The following TSPAN32 variants were observed in gnomAD, a reference collection of about 807,000 sequenced individuals.
The protein encoded by TSPAN32 is tetraspanin 32, also known as tetraspanin-32.
A neutral mutation model predicts 42.7 loss-of-function variants in TSPAN32; 47 were observed. The ratio of observed to expected loss-of-function variants is 1.10; its 90% CI spans 0.87 to 1.40. The LOEUF is 1.40. TSPAN32 is among the 40% of genes most tolerant of loss of function. The probability of loss-of-function intolerance (pLI) is 0.00; values close to 1 mark genes in which losing one functional copy is unlikely to be tolerated. For synonymous variants in TSPAN32, 175 were observed against 175.9 expected (o/e 0.99, Z 0.04); for missense variants, 469 against 424.1 (o/e 1.11, Z -0.93).
intron 5 of TSPAN32, among the ~76,000 whole-genome samples, chr11:2,314,132 G>A (rs2133366049): frequency 6.8e-6 from 1 of 147,526 alleles, no homozygotes; most frequent in African/African-American, 2.5e-5. Flanking sequence ...AGACCAGCCT[G>A]AGCAACATAG....
rs200536769 is a variant in TSPAN32, at chr11:2,302,999, G to A, written c.181+41G>A. The A allele has an allele frequency of 1.4e-5, 21 of 1,553,470 alleles. No individual in the cohort carries two copies. The East Asian group carries it at 2.7e-4, about 20-fold the overall frequency. ...GCCTGGCTGCATCGGGAGGGGCCTCGGGTGCAAGGGTGGCTGGCACGAGCC... is the reference window on the plus strand; with the variant it reads ...GCCTGGCTGCATCGGGAGGGGCCTCAGGTGCAAGGGTGGCTGGCACGAGCC... On this transcript the variant is annotated intron_variant, in intron 2 of 9. Coordinates refer to ENST00000182290, the MANE Select transcript of TSPAN32 (RefSeq NM_139022.3).
In TSPAN32 at chr11:2,317,801, T is replaced by C. The variant is rs369583169; in HGVS notation, c.902-62T>C. ...AGACACAAGCTGCACTGGTTTTCTA[T>C]GCTGCGTAAGAAGCAGCATGGATGT... On this transcript the variant is annotated intron_variant, in intron 9 of 9. Transcript: ENST00000182290. This position sits in a 1 kb window ranked among gnomAD's most constrained non-coding sequence, Gnocchi z 6.2. 432 of 1,598,228 alleles carry C rather than the reference T, an allele frequency of 2.7e-4. No homozygotes were observed. The African/African-American group carries it at 5.2e-3, about 19-fold the overall frequency.
chr11:2,306,954 AGG>A (rs1564957723), intron 3 of TSPAN32: 1 of 13,784 alleles, frequency 7.3e-5, no homozygotes, highest in Admixed American at 5.2e-4. Flanking sequence ...GAGAAGGAGG[AGG>A]GAGAAGGAGG....
chr11:2,316,060 T>C, intron 6 of TSPAN32, 169 bp from the exon 7 acceptor site: 1 of 1,534,218 alleles, frequency 6.5e-7, no homozygotes, highest in Non-Finnish European at 8.7e-7. Flanking sequence ...CTGCTCGTGC[T>C]GCCTTTCCCT....
Position 2,308,719 on chromosome 11 carries a change from C to G in TSPAN32, c.280-17C>G. On this transcript the variant is annotated splice_polypyrimidine_tract_variant and intron_variant, in intron 3 of 9. Coordinates refer to ENST00000182290, the MANE Select transcript of TSPAN32 (RefSeq NM_139022.3). ...GTGACCAGCCCTCAACAGTGACCAGCCCCGCTCTGCCCCCAGGGCTTCCTG... is the reference window on the plus strand; with the variant it reads ...GTGACCAGCCCTCAACAGTGACCAGGCCCGCTCTGCCCCCAGGGCTTCCTG... 1 of 1,543,556 alleles carries G rather than the reference C, an allele frequency of 6.5e-7. No individual in the cohort carries two copies. Among genetic ancestry groups the G allele is most frequent in the Non-Finnish European group, 8.8e-7 (1 of 1,138,220 alleles).
At chr11:2,311,034 C>T (rs916532512) in intron 4 of TSPAN32, among the ~76,000 whole-genome samples, 2 of 152,226 alleles carry the variant, frequency 1.3e-5, no homozygotes, top group South Asian at 2.1e-4. Context: ...CCGGAAACGT[C>T]GAGGTGAGAG....
At chr11:2,310,058 C>G (rs1219991068) in intron 4 of TSPAN32, 1 of 152,422 alleles carries the variant, frequency 6.6e-6, no homozygotes, top group Non-Finnish European at 1.5e-5. Context: ...GCACAGGAGT[C>G]TTACCAGGGT....
intron 3 of TSPAN32, among the ~76,000 whole-genome samples, chr11:2,307,158 G>T (rs944969785): frequency 6.6e-6 from 1 of 152,154 alleles, no homozygotes; most frequent in Admixed American, 6.5e-5. Context: ...CCCTGTCCCT[G>T]CAGGGCTGGA....
At chr11:2,305,035 G>A (rs901654229) in intron 3 of TSPAN32, among the ~76,000 whole-genome samples, 1 of 152,222 alleles carries the variant, frequency 6.6e-6, no homozygotes, top group African/African-American at 2.4e-5. Context: ...TGTGAAGCTG[G>A]ACCACTCTGG....
intron 4 of TSPAN32, chr11:2,309,221 G>T: frequency 2.4e-6 from 1 of 415,968 alleles, no homozygotes; most frequent in Non-Finnish European, 5.2e-6. Context: ...CTGAGGGCCA[G>T]CGCTCCTGAT....
chr11:2,308,344 C>T (rs1040997626), intron 3 of TSPAN32, among the ~76,000 whole-genome samples: 1 of 152,126 alleles, frequency 6.6e-6, no homozygotes, highest in East Asian at 1.9e-4. Flanking sequence ...AGGGCACTGC[C>T]CTGCCCAGGC....
At chr11:2,302,586 C>T in intron 1 of TSPAN32, 1 of 559,736 alleles carries the variant, frequency 1.8e-6, no homozygotes, top group Non-Finnish European at 3.2e-6. Context: ...ACACAATGAT[C>T]AGAGGTCCTG....
chr11:2,302,245 G>A, intron 1 of TSPAN32, 30 bp downstream of exon 1: 2 of 1,379,120 alleles, frequency 1.5e-6, no homozygotes, highest in Non-Finnish European at 1.9e-6. Context: ...GGAGTGGGTG[G>A]TGGGTGGGGG....
chr11:2,305,192 G>A (rs114420843), intron 3 of TSPAN32, among the ~76,000 whole-genome samples: 8 of 152,348 alleles, frequency 5.3e-5, no homozygotes, highest in Middle Eastern at 3.4e-3. Flanking sequence ...AGCTGCTGCC[G>A]GGCCAACCAG....
chr11:2,307,764 C>T (rs750677006), intron 3 of TSPAN32, among the ~76,000 whole-genome samples: 9 of 152,090 alleles, frequency 5.9e-5, no homozygotes, highest in Non-Finnish European at 1.0e-4. Context: ...CCCCACTCCA[C>T]GACTAGGGGC....
chr11:2,316,506 C>T (rs898714689), intron 7 of TSPAN32, 70 bp from the exon 8 acceptor site: 1 of 1,607,750 alleles, frequency 6.2e-7, no homozygotes, highest in Middle Eastern at 1.7e-4. Context: ...ACTGCAGAGT[C>T]CTGATGCTTC....
At chr11:2,311,778 A>G (rs371115351) in intron 4 of TSPAN32, among the ~76,000 whole-genome samples, 1 of 152,328 alleles carries the variant, frequency 6.6e-6, no homozygotes, top group East Asian at 1.9e-4. Flanking sequence ...GATACCTGTC[A>G]GGCAGCACCT....
chr11:2,302,046 T>G lies in TSPAN32; in HGVS notation c.-104T>G, dbSNP rs773810149. On this transcript the variant is annotated 5_prime_UTR_variant, in exon 1 of 10. An upstream start codon of the reference 5' UTR is lost. Transcript: ENST00000182290. ...GTTGACAGACAGACAGAGGGGCGGATGCAGCCTACCTCCTGGGCAGTGAGC... is the reference window on the plus strand; with the variant it reads ...GTTGACAGACAGACAGAGGGGCGGAGGCAGCCTACCTCCTGGGCAGTGAGC... 5.3e-6 allele frequency: 8 copies of G among 1,496,500 alleles called. No homozygotes were observed. Among genetic ancestry groups the G allele is most frequent in the Non-Finnish European group, 7.1e-6 (8 of 1,127,118 alleles). The allele number at this position is 1,496,500 out of a possible 1,614,324, so 92.7% of individuals were successfully genotyped here. A position where few individuals can be genotyped will look rare whatever the true frequency, so the allele number is the denominator to read the frequency against.
At chr11:2,316,191 C>T (rs1043786068) in intron 6 of TSPAN32, 38 bp from the exon 7 acceptor site, 66 of 1,516,608 alleles carry the variant, frequency 4.4e-5, no homozygotes, top group Non-Finnish European at 5.4e-5. Context: ...CAGGGAGGGC[C>T]GCTCAGGGCG....
Sources: gnomAD v4.1 joint callset for allele counts (sites outside exome capture counted in the v4.1 genomes callset) on GRCh38, gnomAD v4.1.1 for gene constraint, Gnocchi (gnomAD v3.1) non-coding constraint, MANE v1.5 for transcripts, NCBI Gene and HGNC (gene_info 2026-07-23, HGNC 2026-07-21) for gene names.